ERCC6L2: variants seen among roughly 807,000 people sequenced by gnomAD.
ERCC6L2 encodes the protein ERCC excision repair 6 like 2.
ERCC6L2 carries 77 observed loss-of-function variants against 132.0 expected under a neutral mutation model. The observed-to-expected ratio is 0.58, with a 90% CI of 0.49 to 0.71. ERCC6L2 has a LOEUF of 0.71. Ranked by LOEUF, ERCC6L2 falls within the 30% of genes least tolerant of loss-of-function variation. ERCC6L2 has a pLI of 0.00. For synonymous variants in ERCC6L2, 583 were observed against 632.4 expected, an observed-to-expected ratio of 0.92 and a Z score of 1.17; for missense variants, 1,542 against 1,837.6, an observed-to-expected ratio of 0.84 and a Z score of 2.94.
At position 95,900,036 on chromosome 9, in the gene ERCC6L2, CTTAA is replaced by C. The variant is rs544136471; in HGVS notation, c.594+2068_594+2071del. Among the ~76,000 whole-genome samples the C allele has an allele frequency of 3.8e-3, 582 of 152,164 alleles. 4 individuals are homozygous for C. Among genetic ancestry groups the C allele is most frequent in the African/African-American group, 0.012 (509 of 41,508 alleles). ...GCTATTTACCTTCTTCAGTTGATTT[CTTAA>C]TTTATTTATTTTCAGTCTTTTTGTA... On this transcript the variant is annotated intron_variant, in intron 3 of 18. Transcript: ENST00000653738.
At chr9:95,956,701 T>C (rs1030494159) in intron 13 of ERCC6L2, among the ~76,000 whole-genome samples, 1 of 151,990 alleles carries the variant, frequency 6.6e-6, no homozygotes, top group Non-Finnish European at 1.5e-5. Context: ...TATAAAACCA[T>C]CAGATCTCTT....
chr9:95,941,922 A>T (rs1317398994), intron 12 of ERCC6L2, among the ~76,000 whole-genome samples: 1 of 152,202 alleles, frequency 6.6e-6, no homozygotes, highest in Non-Finnish European at 1.5e-5. Flanking sequence ...CAAAGTCTGC[A>T]GGAAAGAGTA....
At chr9:95,907,980 C>T (rs12552355) in intron 4 of ERCC6L2, among the ~76,000 whole-genome samples, 31 of 152,138 alleles carry the variant, frequency 2.0e-4, no homozygotes, top group African/African-American at 7.5e-4. Flanking sequence ...GGATTTTGAT[C>T]TTTATCCTGA....
intron 19 of ERCC6L2, among the ~76,000 whole-genome samples, chr9:96,035,207 G>A (rs1834505546): frequency 6.6e-6 from 1 of 152,208 alleles, no homozygotes; most frequent in Non-Finnish European, 1.5e-5. Flanking sequence ...GCAGCAGGAG[G>A]CAGACAGATT....
rs931761380 is a variant in ERCC6L2, at chr9:95,972,217, G to A, written c.2466G>A (p.Glu822=). ...NTASDDESSD[E]QPTCLSTEAK... ...CCTCTGATGATGAAAGTTCTGATGA[G>A]CAGCCCACATGCCTTTCAACAGAAG... Residue 822 remains glutamate (E), a synonymous_variant, in exon 16 of 19, where the codon GAG becomes GAA. Coordinates refer to ENST00000653738, the MANE Select transcript of ERCC6L2 (RefSeq NM_020207.7). The A allele has an allele frequency of 1.5e-6, 2 of 1,304,260 alleles. No individual in the cohort carries two copies. Among genetic ancestry groups the A allele is most frequent in the Non-Finnish European group, 2.0e-6 (2 of 988,936 alleles). The allele number at this position is 1,304,260 out of a possible 1,614,324, so 80.8% of individuals were successfully genotyped here. A position where few individuals can be genotyped will look rare whatever the true frequency, so the allele number is the denominator to read the frequency against.
chr9:95,881,789 T>C (rs1785067640), intron 2 of ERCC6L2, among the ~76,000 whole-genome samples: 2 of 152,372 alleles, frequency 1.3e-5, no homozygotes, highest in African/African-American at 2.4e-5. Context: ...CTAAAATGTG[T>C]ACTAGAATTT....
chr9:95,907,861 A>ACACACACACACACACACACACACACACC (rs1434743298), intron 4 of ERCC6L2, among the ~76,000 whole-genome samples: 1 of 148,538 alleles, frequency 6.7e-6, no homozygotes, highest in East Asian at 2.0e-4. Flanking sequence ...ACACACCCCC[A>ACACACACACACACACACACACACACACC]CACCCACACA....
intron 7 of ERCC6L2, among the ~76,000 whole-genome samples, chr9:95,921,731 G>T (rs1587910965): frequency 6.6e-6 from 1 of 151,832 alleles, no homozygotes; most frequent in African/African-American, 2.4e-5. Context: ...CAAAGAAAGT[G>T]TTTTTTTTAA....
At chr9:95,956,303 C>T (rs1165407788) in intron 13 of ERCC6L2, among the ~76,000 whole-genome samples, 1 of 152,068 alleles carries the variant, frequency 6.6e-6, no homozygotes, top group African/African-American at 2.4e-5. Flanking sequence ...AGTTAGAGCC[C>T]ATGATGTGGA....
At chr9:95,892,775 C>G (rs989284076) in intron 2 of ERCC6L2, among the ~76,000 whole-genome samples, 1 of 152,132 alleles carries the variant, frequency 6.6e-6, no homozygotes, top group Admixed American at 6.6e-5. Flanking sequence ...TATTTTGAAG[C>G]TCCGTTATTA....
intron 12 of ERCC6L2, among the ~76,000 whole-genome samples, chr9:95,948,526 G>A (rs1831169956): frequency 1.3e-5 from 2 of 151,844 alleles, no homozygotes; most frequent in Non-Finnish European, 1.5e-5. Flanking sequence ...GGTGGCGTGT[G>A]CCTGTGGTCC....
At chr9:95,933,895 A>G (rs1325352469) in intron 11 of ERCC6L2, among the ~76,000 whole-genome samples, 2 of 151,886 alleles carry the variant, frequency 1.3e-5, no homozygotes, top group African/African-American at 2.4e-5. Flanking sequence ...ACTAGCATAT[A>G]TGAAAATACC....
intron 17 of ERCC6L2, among the ~76,000 whole-genome samples, chr9:95,983,915 T>G (rs1340217732): frequency 6.6e-6 from 1 of 152,198 alleles, no homozygotes; most frequent in Non-Finnish European, 1.5e-5. Context: ...TGCTTTTCCC[T>G]CAATTCCTTT....
intron 18 of ERCC6L2, among the ~76,000 whole-genome samples, chr9:96,010,358 CTATG>C (rs1474986505): frequency 1.3e-5 from 2 of 152,210 alleles, no homozygotes; most frequent in African/African-American, 4.8e-5. Flanking sequence ...GAAACACAAA[CTATG>C]TAACCTGGTC....
chr9:95,980,069 G>A (rs1285354298), intron 17 of ERCC6L2, among the ~76,000 whole-genome samples: 8 of 152,118 alleles, frequency 5.3e-5, no homozygotes, highest in African/African-American at 1.9e-4. Context: ...TATAATTTCT[G>A]CAACAATTGA....
chr9:95,980,572 A>G (rs1832849856), intron 17 of ERCC6L2, among the ~76,000 whole-genome samples: 1 of 152,116 alleles, frequency 6.6e-6, no homozygotes, highest in Non-Finnish European at 1.5e-5. Flanking sequence ...AGTGTTCCCA[A>G]TCACTGATTT....
rs1394799869 is a variant in ERCC6L2 at position 96,013,815 on chromosome 9, G to A, written c.*612G>A. On this transcript the variant is annotated 3_prime_UTR_variant, in exon 19 of 19. Transcript: ENST00000653738. The stretch of plus-strand genomic sequence containing the variant: ...ATTTTGCAACAGCTCAAAATTAAAA[G>A]GTTAATGTTATACACTTTACTATAT... 5 of 152,124 alleles carry A rather than the reference G, an allele frequency of 3.3e-5. No individual in the cohort carries two copies. The highest frequency in any genetic ancestry group is 7.3e-5 in the Non-Finnish European group (5 of 68,034). The allele number at this position is 152,124 out of a possible 1,614,324, so 9.4% of individuals were successfully genotyped here.
intron 19 of ERCC6L2, chr9:96,027,768 T>G (rs1488935472): frequency 6.6e-6 from 1 of 152,326 alleles, no homozygotes; most frequent in East Asian, 1.9e-4. Context: ...CAGCTTCATC[T>G]CCATCCGCGC....
chr9:95,925,624 A>G (rs185867900), intron 9 of ERCC6L2, among the ~76,000 whole-genome samples: 174 of 152,370 alleles, frequency 1.1e-3, no homozygotes, highest in Non-Finnish European at 2.0e-3. Flanking sequence ...TCTTTAAACT[A>G]GCCTAATTAA....
Sources: gnomAD v4.1 joint callset for allele counts (sites outside exome capture counted in the v4.1 genomes callset) on GRCh38, gnomAD v4.1.1 for gene constraint, MANE v1.5 for transcripts, NCBI Gene and HGNC (gene_info 2026-07-23, HGNC 2026-07-21) for gene names.